Variants in PAK6 observed in about 807,000 individuals in gnomAD.
PAK6 encodes the protein p21 (RAC1) activated kinase 6.
Under a neutral mutation model 60.8 loss-of-function variants are expected in PAK6, and 33 were observed. That is an observed-to-expected ratio of 0.54 (90% CI 0.41 to 0.73). The LOEUF (loss-of-function observed/expected upper bound fraction) is 0.73. Ranked by LOEUF, PAK6 falls within the 30% of genes least tolerant of loss-of-function variation. The probability of loss-of-function intolerance (pLI) is 0.00; values close to 1 mark genes in which losing one functional copy is unlikely to be tolerated. For missense variants in PAK6, 845 were observed against 904.1 expected (o/e 0.93, Z 0.84); for synonymous variants, 404 against 378.5 (o/e 1.07, Z -0.78).
rs2039319281 is a variant in PAK6, at chr15:40,272,087, G to T, written c.859-137G>T. ...CTCTGTCTGAAAATCTTTGCTCAGA[G>T]CACCTCCCTAGTTTGATCTGATACC... On this transcript the variant is annotated intron_variant, in intron 5 of 10. Transcript: ENST00000560346. 7.6e-6 allele frequency: 7 copies of T among 917,596 alleles called. No homozygotes were observed. In the South Asian group the frequency reaches 1.1e-4, roughly 15 times the overall value. The allele number at this position is 917,596 out of a possible 1,614,324, so 56.8% of individuals were successfully genotyped here. A position where few individuals can be genotyped will look rare whatever the true frequency, so the allele number is the denominator to read the frequency against.
At position 40,261,615 on chromosome 15, in the gene PAK6, T is replaced by C. The variant is rs975548389; in HGVS notation, c.-5-3166T>C. Among the ~76,000 whole-genome samples the C allele has an allele frequency of 5.3e-5, 8 of 152,224 alleles. No homozygotes were observed. In the South Asian group the frequency reaches 6.2e-4, roughly 12 times the overall value. ...CCCTTAATCCCAGTTTTATGTAGAT[T>C]CTCCCGCATTTTCTACTTACACAGT... On this transcript the variant is annotated intron_variant, in intron 3 of 10. Coordinates refer to ENST00000560346, the Ensembl canonical transcript of PAK6.
At chr15:40,248,642 G>T (rs2038563791) in intron 2 of PAK6, among the ~76,000 whole-genome samples, 1 of 152,220 alleles carries the variant, frequency 6.6e-6, no homozygotes, top group Admixed American at 6.5e-5. Flanking sequence ...CAGAGTGGGG[G>T]AACCTGAGGG....
At chr15:40,249,668 A>C (rs2038606682) in intron 2 of PAK6, among the ~76,000 whole-genome samples, 1 of 152,234 alleles carries the variant, frequency 6.6e-6, no homozygotes, top group Admixed American at 6.5e-5. Context: ...GGAAGGGATA[A>C]TGTGTTTGTC....
At chr15:40,258,729 G>A (rs998387314) in intron 3 of PAK6, 11 of 152,300 alleles carry the variant, frequency 7.2e-5, no homozygotes, top group African/African-American at 2.2e-4. Flanking sequence ...GCCAGGCTCC[G>A]GCTGGAGGAA....
chr15:40,248,859 C>T (rs2038576468), intron 2 of PAK6, among the ~76,000 whole-genome samples: 1 of 152,192 alleles, frequency 6.6e-6, no homozygotes, highest in African/African-American at 2.4e-5. Flanking sequence ...TCCATGGCAC[C>T]AGCAGCCTCT....
chr15:40,256,165 C>T (rs1277142738), intron 3 of PAK6, among the ~76,000 whole-genome samples: 1 of 152,180 alleles, frequency 6.6e-6, no homozygotes, highest in African/African-American at 2.4e-5. Flanking sequence ...TTCGAGGCTG[C>T]AGTAAGCTCT....
At chr15:40,240,478 G>A (rs1418368700) in intron 1 of PAK6, 121 bp from the exon 2 acceptor site, 3 of 351,884 alleles carry the variant, frequency 8.5e-6, no homozygotes, top group South Asian at 2.2e-5. Flanking sequence ...GAGGGAGGCT[G>A]TGTGCCCACA....
intron 2 of PAK6, among the ~76,000 whole-genome samples, chr15:40,249,381 C>A (rs950487572): frequency 6.6e-6 from 1 of 152,164 alleles, no homozygotes; most frequent in Non-Finnish European, 1.5e-5. Context: ...TTAACCACTC[C>A]GAGCCTCAGT....
At chr15:40,244,695 G>T (rs2038451395) in intron 2 of PAK6, among the ~76,000 whole-genome samples, 1 of 152,132 alleles carries the variant, frequency 6.6e-6, no homozygotes, top group Non-Finnish European at 1.5e-5. Context: ...ACCACACCCA[G>T]CCTGCTTTTT....
intron 2 of PAK6, chr15:40,245,917 T>C (rs1435178395): frequency 6.6e-6 from 1 of 152,290 alleles, no homozygotes; most frequent in African/African-American, 2.4e-5. Context: ...GCCTGACACA[T>C]TGGGAGGCTG....
chr15:40,261,267 G>A (rs1180367393), intron 3 of PAK6, among the ~76,000 whole-genome samples: 3 of 151,742 alleles, frequency 2.0e-5, no homozygotes, highest in South Asian at 2.1e-4. Context: ...GCCTGGGCAC[G>A]GTGGCTCATG....
chr15:40,252,871 C>T, intron 2 of PAK6: 1 of 1,246,924 alleles, frequency 8.0e-7, no homozygotes, highest in African/African-American at 1.6e-5. Context: ...CCGCGGGCGC[C>T]CGCCCGGCGC....
At chr15:40,240,383 A>C (rs900055) in intron 1 of PAK6, 2 of 337,890 alleles carry the variant, frequency 5.9e-6, no homozygotes, top group East Asian at 1.7e-4. Flanking sequence ...GGCATGCCCC[A>C]GTGTGTGTCA....
chr15:40,243,194 A>C (rs570707851), intron 2 of PAK6, among the ~76,000 whole-genome samples: 22 of 152,362 alleles, frequency 1.4e-4, no homozygotes, highest in Admixed American at 8.5e-4. Flanking sequence ...AAGATGGACA[A>C]AAAAGATAAG....
rs1428605091 is a variant in PAK6, at chr15:40,272,739, G to A, written c.1356+18G>A. The A allele has an allele frequency of 6.3e-7, 1 of 1,580,264 alleles. No individual in the cohort carries two copies. The highest frequency in any genetic ancestry group is 1.1e-5 in the South Asian group (1 of 87,070). On this transcript the variant is annotated intron_variant, in intron 6 of 10. Coordinates refer to ENST00000560346, the Ensembl canonical transcript of PAK6. Reference sequence around the variant, plus strand: ...TCAACGAGGTGGGAGGACAGGGTGGGACACAGACGGGGGCGTTGGGGATGG... The same window carrying A: ...TCAACGAGGTGGGAGGACAGGGTGGAACACAGACGGGGGCGTTGGGGATGG...
chr15:40,242,807 T>C (rs1256522304), intron 2 of PAK6, among the ~76,000 whole-genome samples: 2 of 152,130 alleles, frequency 1.3e-5, no homozygotes, highest in Non-Finnish European at 2.9e-5. Context: ...TGTCTCTTCC[T>C]GGGAGGGTGT....
intron 3 of PAK6, chr15:40,264,317 T>C (rs2039061394): frequency 1.8e-5 from 7 of 381,248 alleles, no homozygotes; most frequent in Non-Finnish European, 3.7e-5. Flanking sequence ...CTAAATGATA[T>C]TGAGTCAAAT....
At chr15:40,262,434 G>T (rs2039007407) in intron 3 of PAK6, among the ~76,000 whole-genome samples, 1 of 152,172 alleles carries the variant, frequency 6.6e-6, no homozygotes, top group South Asian at 2.1e-4. Flanking sequence ...AACCCGGGAG[G>T]TGGAGGTTGC....
intron 2 of PAK6, among the ~76,000 whole-genome samples, chr15:40,241,893 C>T (rs1211266063): frequency 6.6e-6 from 1 of 152,344 alleles, no homozygotes; most frequent in African/African-American, 2.4e-5. Context: ...TCTCTCATGC[C>T]AGTGAATTCC....
Sources: allele counts gnomAD v4.1 joint callset (sites outside exome capture counted in the v4.1 genomes callset), GRCh38; gene constraint gnomAD v4.1.1; transcripts MANE v1.5; gene names NCBI Gene and HGNC (gene_info 2026-07-23, HGNC 2026-07-21).